The following GALNTL6 variants were observed in gnomAD, a reference collection of about 807,000 sequenced individuals.
GALNTL6 encodes polypeptide N-acetylgalactosaminyltransferase-like 6.
A neutral mutation model predicts 73.7 loss-of-function variants in GALNTL6; 46 were observed. That is an observed-to-expected ratio of 0.62 (90% CI 0.49 to 0.80). The LOEUF (loss-of-function observed/expected upper bound fraction) is 0.80, where lower values mean the gene tolerates loss of function less well. Among genes scored for constraint, GALNTL6 ranks in the 30% least tolerant of loss-of-function variants. GALNTL6 has a pLI of 0.00. For synonymous variants in GALNTL6, 259 were observed against 263.7 expected, an observed-to-expected ratio of 0.98 and a Z score of 0.17; for missense variants, 604 against 755.0, an observed-to-expected ratio of 0.80 and a Z score of 2.34.
At chr4:172,693,653 A>G (rs1380406498) in intron 5 of GALNTL6, among the ~76,000 whole-genome samples, 2 of 152,120 alleles carry the variant, frequency 1.3e-5, no homozygotes, top group Non-Finnish European at 2.9e-5. Flanking sequence ...GGCTCCACCT[A>G]TGGGGGAGGT....
intron 2 of GALNTL6, among the ~76,000 whole-genome samples, chr4:172,226,854 T>C (rs1736885282): frequency 1.3e-5 from 2 of 152,178 alleles, no homozygotes; most frequent in African/African-American, 4.8e-5. Context: ...TTTCAGGAAC[T>C]CTCTCTGATT....
chr4:172,109,895 G>T (rs1056083717), intron 2 of GALNTL6, among the ~76,000 whole-genome samples: 2 of 152,084 alleles, frequency 1.3e-5, no homozygotes, highest in African/African-American at 4.8e-5. Flanking sequence ...ACAGTTAAAA[G>T]GGAAATAAAA....
At chr4:172,469,494 C>G (rs1732965326) in intron 5 of GALNTL6, among the ~76,000 whole-genome samples, 1 of 151,836 alleles carries the variant, frequency 6.6e-6, no homozygotes, top group African/African-American at 2.4e-5. Context: ...CACTTCCAAA[C>G]TATCAAAGCA....
chr4:172,897,287 C>T (rs1040127579), intron 8 of GALNTL6, among the ~76,000 whole-genome samples: 1 of 152,130 alleles, frequency 6.6e-6, no homozygotes, highest in African/African-American at 2.4e-5. Context: ...TGGGAGTAGG[C>T]CCTCTAGAGA....
intron 9 of GALNTL6, among the ~76,000 whole-genome samples, chr4:172,945,670 T>A (rs185569656): frequency 6.6e-6 from 1 of 152,180 alleles, no homozygotes; most frequent in African/African-American, 2.4e-5. Flanking sequence ...CCAAAGAAGA[T>A]AACCACCTAC....
chr4:172,365,361 A>C (rs1296581181), intron 5 of GALNTL6, among the ~76,000 whole-genome samples: 1 of 151,810 alleles, frequency 6.6e-6, no homozygotes. Context: ...CTGGTCGGAG[A>C]TGTCATTTGT....
intron 2 of GALNTL6, among the ~76,000 whole-genome samples, chr4:172,029,310 AT>A (rs1271054499): frequency 6.6e-6 from 1 of 152,042 alleles, no homozygotes; most frequent in Non-Finnish European, 1.5e-5. Context: ...TTCATTAATA[AT>A]TTTTATGTGA....
At chr4:172,018,872 G>T (rs1371842226) in intron 2 of GALNTL6, among the ~76,000 whole-genome samples, 1 of 152,062 alleles carries the variant, frequency 6.6e-6, no homozygotes, top group South Asian at 2.1e-4. Context: ...GTCAGGGATG[G>T]CTTCCCTGGG....
intron 5 of GALNTL6, among the ~76,000 whole-genome samples, chr4:172,784,051 G>A (rs1284672031): frequency 6.6e-6 from 1 of 151,922 alleles, no homozygotes; most frequent in African/African-American, 2.4e-5. Flanking sequence ...TAATATTTTA[G>A]TATTTTCTTT....
intron 4 of GALNTL6, among the ~76,000 whole-genome samples, chr4:172,321,694 G>A (rs1302368723): frequency 1.3e-5 from 2 of 152,164 alleles, no homozygotes; most frequent in African/African-American, 4.8e-5. Flanking sequence ...GTTCTTTTGA[G>A]TGGCTTAAGA....
At chr4:172,705,816 G>C (rs1205371452) in intron 5 of GALNTL6, among the ~76,000 whole-genome samples, 4 of 151,950 alleles carry the variant, frequency 2.6e-5, no homozygotes, top group Non-Finnish European at 4.4e-5. Flanking sequence ...CTGTCCTGTA[G>C]GGTTTCTACT....
At chr4:171,863,991 C>T (rs1578921393) in intron 2 of GALNTL6, among the ~76,000 whole-genome samples, 1 of 151,862 alleles carries the variant, frequency 6.6e-6, no homozygotes, top group Admixed American at 6.6e-5. Flanking sequence ...CGACCTCCTG[C>T]CCTCAGGTGA....
chr4:172,592,323 C>G (rs780614318), intron 5 of GALNTL6, among the ~76,000 whole-genome samples: 3 of 152,130 alleles, frequency 2.0e-5, no homozygotes, highest in African/African-American at 4.8e-5. Context: ...GAGGGAGAAG[C>G]CTTTTACTAC....
At chr4:172,114,365 T>C (rs923388078) in intron 2 of GALNTL6, among the ~76,000 whole-genome samples, 1 of 152,072 alleles carries the variant, frequency 6.6e-6, no homozygotes, top group Non-Finnish European at 1.5e-5. Flanking sequence ...TCCTTCCTAA[T>C]AAGAAAATGC....
chr4:172,865,123 G>T (rs1171906974), intron 7 of GALNTL6, among the ~76,000 whole-genome samples: 1 of 152,206 alleles, frequency 6.6e-6, no homozygotes, highest in Admixed American at 6.5e-5. Context: ...AAGCAGAGCA[G>T]AAAATTCATT....
intron 5 of GALNTL6, among the ~76,000 whole-genome samples, chr4:172,592,679 T>TCTATCTAC (rs1276883516): frequency 4.3e-4 from 64 of 150,262 alleles, no homozygotes; most frequent in Admixed American, 2.1e-3. Context: ...TGTCTATCTA[T>TCTATCTAC]CTATCTATCT....
At chr4:171,915,200 A>G (rs896227918) in intron 2 of GALNTL6, among the ~76,000 whole-genome samples, 2 of 152,194 alleles carry the variant, frequency 1.3e-5, no homozygotes, top group Admixed American at 1.3e-4. Flanking sequence ...GCATCATTTT[A>G]TGTAATTAAT....
intron 12 of GALNTL6, among the ~76,000 whole-genome samples, chr4:173,024,048 T>C (rs1753127353): frequency 6.6e-6 from 1 of 152,200 alleles, no homozygotes; most frequent in African/African-American, 2.4e-5. Context: ...CTCAATAATA[T>C]GCAATTAAGC....
chr4:172,018,724 C>G (rs1423986971), intron 2 of GALNTL6, among the ~76,000 whole-genome samples: 2 of 152,112 alleles, frequency 1.3e-5, no homozygotes, highest in Non-Finnish European at 2.9e-5. Flanking sequence ...GCAACAGTTC[C>G]CTTTTACCCC....
Sources: allele counts gnomAD v4.1 joint callset (sites outside exome capture counted in the v4.1 genomes callset), GRCh38; gene constraint gnomAD v4.1.1; transcripts MANE v1.5; gene names NCBI Gene and HGNC (gene_info 2026-07-23, HGNC 2026-07-21).